The following ABCC5 variants were observed in gnomAD, a reference collection of about 807,000 sequenced individuals.
ABCC5 encodes the protein ATP binding cassette subfamily C member 5, also known as ATP-binding cassette sub-family C member 5.
In ABCC5, 61 loss-of-function variants were observed where a neutral mutation model predicts 160.9. The observed-to-expected ratio is 0.38, with a 90% CI of 0.31 to 0.47. The LOEUF (loss-of-function observed/expected upper bound fraction) is 0.47, where lower values mean the gene tolerates loss of function less well. Ranked by LOEUF, ABCC5 falls within the 20% of genes least tolerant of loss-of-function variation. ABCC5 has a pLI of 0.99. For synonymous variants in ABCC5, 666 were observed against 700.6 expected, an observed-to-expected ratio of 0.95 and a Z score of 0.78; for missense variants, 1,308 against 1,813.3, an observed-to-expected ratio of 0.72 and a Z score of 5.06.
intron 11 of ABCC5, 79 bp downstream of exon 11, chr3:183,971,484 G>T: frequency 2.2e-6 from 3 of 1,365,994 alleles, no homozygotes; most frequent in Non-Finnish European, 3.0e-6. Context: ...TTGTGAAAAG[G>T]AACAGCAGCC....
At chr3:183,990,581 C>G (rs190689084) in intron 2 of ABCC5, among the ~76,000 whole-genome samples, 2 of 152,288 alleles carry the variant, frequency 1.3e-5, no homozygotes, top group African/African-American at 2.4e-5. Flanking sequence ...CCCTGCCACA[C>G]AGAAAGAGCC....
At chr3:184,008,448 C>T (rs1210790646) in intron 2 of ABCC5, among the ~76,000 whole-genome samples, 2 of 152,136 alleles carry the variant, frequency 1.3e-5, no homozygotes, top group African/African-American at 2.4e-5. Context: ...TAATGCCAGC[C>T]AAAGTTAGTA....
intron 5 of ABCC5, chr3:183,983,703 G>C: frequency 2.0e-6 from 2 of 983,112 alleles, no homozygotes; most frequent in Non-Finnish European, 2.4e-6. Flanking sequence ...CAACGCCGGA[G>C]CACACACTCA....
rs970133503 is a variant in ABCC5 at position 183,921,855 on chromosome 3, C to A, written c.4213-454G>T. Reference sequence around the variant, plus strand: ...GACCAGCCTGGCCAACATGGTGAAACCCTGTCTCTACTAAATATACAAAAA... The same window carrying A: ...GACCAGCCTGGCCAACATGGTGAAAACCTGTCTCTACTAAATATACAAAAA... On this transcript the variant is annotated intron_variant, in intron 29 of 29. Transcript: ENST00000334444. This position sits in a 1 kb window ranked among gnomAD's most constrained non-coding sequence, Gnocchi z 4.1. Among the ~76,000 whole-genome samples the A allele has an allele frequency of 2.6e-5, 4 of 151,736 alleles. No individual in the cohort carries two copies. Among genetic ancestry groups the A allele is most frequent in the Admixed American group, 1.3e-4 (2 of 15,238 alleles).
rs557748958 is a variant in ABCC5 at position 183,947,372 on chromosome 3, C to T, written c.3366G>A (p.Gly1122=). ...TTGLMIVLMH[G]QIPPAYAGLA... ...GACCCGCATAGGCTGGGGGAATCTG[C>T]CCGTGCATAAGAACGATCATCAGCC... The change falls in exon 23 of 30, where the codon GGG becomes GGA. Residue 1122 remains glycine, a synonymous_variant. Coordinates refer to ENST00000334444, the MANE Select transcript of ABCC5 (RefSeq NM_005688.4). The T allele has an allele frequency of 1.2e-6, 2 of 1,613,548 alleles. 1 individual carries two copies. The highest frequency in any genetic ancestry group is 2.2e-5 in the South Asian group (2 of 90,986).
chr3:183,961,474 A>G, intron 16 of ABCC5, 37 bp downstream of exon 16: 1 of 1,608,998 alleles, frequency 6.2e-7, no homozygotes, highest in Non-Finnish European at 8.5e-7. Flanking sequence ...CCTTGCAGAG[A>G]CAGAAGGGGA....
At chr3:184,014,569 A>C (rs1722038342) in intron 1 of ABCC5, 122 bp from the exon 2 acceptor site, 1 of 461,210 alleles carries the variant, frequency 2.2e-6, no homozygotes, top group Non-Finnish European at 3.4e-6. Flanking sequence ...TTCTACTGTT[A>C]TAGCTACAAA....
intron 2 of ABCC5, among the ~76,000 whole-genome samples, chr3:183,995,549 T>G (rs1330257836): frequency 6.6e-6 from 1 of 152,196 alleles, no homozygotes; most frequent in Non-Finnish European, 1.5e-5. Context: ...AGATTACCAT[T>G]TCTCCAGTGA....
At chr3:183,984,802 T>G in intron 5 of ABCC5, 1 of 1,575,678 alleles carries the variant, frequency 6.3e-7, no homozygotes, top group Non-Finnish European at 8.6e-7. Flanking sequence ...CAAAGCCCCC[T>G]TTTCCTCACG....
At chr3:184,001,655 T>C (rs1720752924) in intron 2 of ABCC5, among the ~76,000 whole-genome samples, 1 of 152,208 alleles carries the variant, frequency 6.6e-6, no homozygotes, top group African/African-American at 2.4e-5. Context: ...AAGAATTATG[T>C]GGCCCAAAAT....
At chr3:183,980,014 T>A (rs991762665) in intron 8 of ABCC5, among the ~76,000 whole-genome samples, 1 of 152,122 alleles carries the variant, frequency 6.6e-6, no homozygotes. Flanking sequence ...TAGCTAGGAT[T>A]ACAGGCTGTG....
At chr3:183,925,480 G>T (rs895221277) in intron 29 of ABCC5, 75 bp downstream of exon 29, 25 of 1,508,578 alleles carry the variant, frequency 1.7e-5, no homozygotes, top group Non-Finnish European at 2.3e-5. Flanking sequence ...TACAAAGATG[G>T]CAATCAGTCC....
At chr3:184,015,550 A>G (rs1722121890) in intron 1 of ABCC5, among the ~76,000 whole-genome samples, 1 of 152,222 alleles carries the variant, frequency 6.6e-6, no homozygotes, top group African/African-American at 2.4e-5. Flanking sequence ...ATAAAAAGAG[A>G]ACACTTACTA....
Position 183,981,892 on chromosome 3 carries a change from G to A in ABCC5, c.1000-18C>T. The A allele has an allele frequency of 6.3e-7, 1 of 1,581,970 alleles. No individual in the cohort carries two copies. The highest frequency in any genetic ancestry group is 8.6e-7 in the Non-Finnish European group (1 of 1,169,554). On this transcript the variant is annotated intron_variant, in intron 7 of 29. Transcript: ENST00000334444. ...GCAAACATCTGAAAGGAAAAGCGAT[G>A]CCACGCCAAATTAAAGCTCATTCAA... is the stretch of plus-strand genomic sequence containing the variant.
intron 29 of ABCC5, among the ~76,000 whole-genome samples, chr3:183,924,387 G>A (rs947073204): frequency 1.3e-5 from 2 of 152,106 alleles, no homozygotes; most frequent in Admixed American, 1.3e-4. Flanking sequence ...TCCAGGCTAT[G>A]TCTTTCTCTA....
chr3:183,932,487 G>T (rs140792216), intron 26 of ABCC5, among the ~76,000 whole-genome samples: 487 of 152,300 alleles, frequency 3.2e-3, no homozygotes, highest in South Asian at 0.014. Flanking sequence ...TTGGAGAGAT[G>T]GAATATCAAG....
intron 18 of ABCC5, among the ~76,000 whole-genome samples, chr3:183,952,380 C>T (rs1715455129): frequency 6.6e-6 from 1 of 152,150 alleles, no homozygotes; most frequent in African/African-American, 2.4e-5. Flanking sequence ...CTCCTAGCCC[C>T]AAGTGATCCA....
chr3:183,981,133 A>G (rs575923500), intron 8 of ABCC5, among the ~76,000 whole-genome samples: 4 of 152,126 alleles, frequency 2.6e-5, no homozygotes, highest in Non-Finnish European at 5.9e-5. Context: ...TTAAGTATCT[A>G]TGTGTTTGTT....
At position 183,969,574 on chromosome 3, in the gene ABCC5, C is replaced by T. The variant is rs190458318; in HGVS notation, c.1762-1808G>A. 4.0e-4 allele frequency among the ~76,000 whole-genome samples: 61 copies of T among 152,148 alleles called. 2 individuals are homozygous for T. The East Asian group carries it at 0.012, about 29-fold the overall frequency. On this transcript the variant is annotated intron_variant, in intron 11 of 29. Transcript: ENST00000334444. ...AGGCACAGTGGCACGTGCCTATAAT[C>T]CCAGCTACTCGGGAGGCTGAGGCAG... is the stretch of plus-strand genomic sequence containing the variant.
Sources: allele counts gnomAD v4.1 joint callset (sites outside exome capture counted in the v4.1 genomes callset), GRCh38; gene constraint gnomAD v4.1.1; non-coding constraint Gnocchi (gnomAD v3.1); transcripts MANE v1.5; gene names NCBI Gene and HGNC (gene_info 2026-07-23, HGNC 2026-07-21).